Variants in PTPRM observed in about 807,000 individuals in gnomAD.
The protein encoded by PTPRM is protein tyrosine phosphatase receptor type M.
A neutral mutation model predicts 186.7 loss-of-function variants in PTPRM; 47 were observed. That is an observed-to-expected ratio of 0.25 (90% confidence interval 0.20 to 0.32). PTPRM has a LOEUF of 0.32. Ranked by LOEUF, PTPRM falls within the 10% of genes least tolerant of loss-of-function variation. PTPRM has a pLI of 1.00. For missense variants in PTPRM, 1,494 were observed against 1,865.0 expected, an observed-to-expected ratio of 0.80 and a Z score of 3.66; for synonymous variants, 668 against 674.9, an observed-to-expected ratio of 0.99 and a Z score of 0.16.
chr18:8,286,482 T>C (rs2094958536), intron 19 of PTPRM, among the ~76,000 whole-genome samples: 1 of 152,234 alleles, frequency 6.6e-6, no homozygotes, highest in East Asian at 1.9e-4. Flanking sequence ...TTTTCACTTA[T>C]TTAGAATCTC....
In PTPRM at chr18:7,567,824, G is replaced by C; in HGVS notation, c.6G>C (p.Arg2Ser). M[R>S]GLGTCLATLA... The stretch of plus-strand genomic sequence containing the variant: ...CCCGGCCCGCACTCAGCACCATGAG[G>C]GGACTTGGGACTTGCCTGGCGACTT... The change falls in exon 1 of 33, where the codon AGG becomes AGC. Residue 2 changes from arginine (R) to serine (S), a missense_variant. Arg to Ser is a moderately radical substitution (Grantham distance 110, BLOSUM62 -1). This residue lies in a region of PTPRM where 296 missense variants were observed against 345.5 expected (regional missense o/e 0.86). Coordinates refer to ENST00000580170, the MANE Select transcript of PTPRM (RefSeq NM_001105244.2). The surrounding 1 kb of genome is among the most constrained non-coding windows in gnomAD (Gnocchi z 4.3). 1 of 1,555,034 alleles carries C rather than the reference G, an allele frequency of 6.4e-7. No homozygotes were observed. Among genetic ancestry groups the C allele is most frequent in the Non-Finnish European group, 8.7e-7 (1 of 1,154,754 alleles).
chr18:8,317,094 G>A (rs2095313858), intron 21 of PTPRM, among the ~76,000 whole-genome samples: 1 of 152,140 alleles, frequency 6.6e-6, no homozygotes, highest in African/African-American at 2.4e-5. Context: ...GTCGTTAGAG[G>A]TATCTGAGTA....
At chr18:7,644,013 T>C (rs2038505092) in intron 1 of PTPRM, among the ~76,000 whole-genome samples, 1 of 152,180 alleles carries the variant, frequency 6.6e-6, no homozygotes, top group Admixed American at 6.5e-5. Context: ...AATGGGAATG[T>C]TTTCTCTTTT....
rs575949656 is a variant in PTPRM, at chr18:7,688,654, G to A, written c.74-85495G>A. ...TGCCCAAGACTTTGGGAAGAGAGTAGTCCAGGCCCTTTCCAGGGATTTGCT... is the reference window on the plus strand; with the variant it reads ...TGCCCAAGACTTTGGGAAGAGAGTAATCCAGGCCCTTTCCAGGGATTTGCT... On this transcript the variant is annotated intron_variant, in intron 1 of 32. Coordinates refer to ENST00000580170, the MANE Select transcript of PTPRM (RefSeq NM_001105244.2). Among the ~76,000 whole-genome samples the A allele has an allele frequency of 3.3e-5, 5 of 152,330 alleles. No individual in the cohort carries two copies. In the East Asian group the frequency reaches 5.8e-4, roughly 18 times the overall value.
chr18:7,663,966 G>A (rs762760936), intron 1 of PTPRM, among the ~76,000 whole-genome samples: 3 of 152,096 alleles, frequency 2.0e-5, no homozygotes, highest in Admixed American at 1.3e-4. Context: ...TTTCCCTTTC[G>A]CTTGGGCCCG....
chr18:7,899,616 C>T (rs184704818), intron 3 of PTPRM, among the ~76,000 whole-genome samples: 1 of 151,984 alleles, frequency 6.6e-6, no homozygotes, highest in Non-Finnish European at 1.5e-5. Flanking sequence ...ATGTTTGTTT[C>T]AGTAAAAACA....
intron 7 of PTPRM, among the ~76,000 whole-genome samples, chr18:8,014,715 C>T (rs1354453062): frequency 2.0e-5 from 3 of 152,178 alleles, no homozygotes; most frequent in Admixed American, 6.5e-5. Flanking sequence ...TATATACACA[C>T]TCATTTATAC....
chr18:8,215,262 A>G (rs1373611172), intron 14 of PTPRM, among the ~76,000 whole-genome samples: 3 of 152,120 alleles, frequency 2.0e-5, no homozygotes, highest in Admixed American at 1.3e-4. Context: ...TTGTATAAAC[A>G]TATTTTAAAA....
chr18:8,378,820 T>C (rs762271488), intron 27 of PTPRM, among the ~76,000 whole-genome samples: 4 of 152,136 alleles, frequency 2.6e-5, no homozygotes, highest in African/African-American at 7.2e-5. Flanking sequence ...TCCTCACATA[T>C]GCATTTTGTC....
intron 2 of PTPRM, among the ~76,000 whole-genome samples, chr18:7,857,407 G>A (rs931155610): frequency 6.6e-6 from 1 of 152,282 alleles, no homozygotes; most frequent in South Asian, 2.1e-4. Context: ...GTAACCTTTC[G>A]ATACAGCTGG....
chr18:7,932,509 AT>A (rs2051550210), intron 5 of PTPRM, among the ~76,000 whole-genome samples: 1 of 152,098 alleles, frequency 6.6e-6, no homozygotes, highest in African/African-American at 2.4e-5. Context: ...TATGTCTAAT[AT>A]TTTTATGTCT....
At chr18:7,915,665 T>C (rs1218289218) in intron 4 of PTPRM, among the ~76,000 whole-genome samples, 1 of 152,192 alleles carries the variant, frequency 6.6e-6, no homozygotes, top group Non-Finnish European at 1.5e-5. Context: ...AAAATCTCTA[T>C]TTTACAAATA....
chr18:8,356,562 A>G (rs2095564251), intron 23 of PTPRM, among the ~76,000 whole-genome samples: 1 of 152,210 alleles, frequency 6.6e-6, no homozygotes, highest in South Asian at 2.1e-4. Flanking sequence ...CAGTGTAGTA[A>G]GGAACAAGGC....
At chr18:7,727,367 A>G (rs527463087) in intron 1 of PTPRM, among the ~76,000 whole-genome samples, 1 of 152,332 alleles carries the variant, frequency 6.6e-6, no homozygotes, top group African/African-American at 2.4e-5. Flanking sequence ...TAACCTTGAA[A>G]GGCTGCTTTA....
At chr18:8,069,073 G>GCA (rs1379981673) in intron 7 of PTPRM, among the ~76,000 whole-genome samples, 1 of 121,244 alleles carries the variant, frequency 8.2e-6, no homozygotes, top group Non-Finnish European at 1.6e-5. Flanking sequence ...TCACACCACT[G>GCA]CACTCCAGCC....
At chr18:7,717,192 A>G (rs1369920918) in intron 1 of PTPRM, among the ~76,000 whole-genome samples, 1 of 152,072 alleles carries the variant, frequency 6.6e-6, no homozygotes, top group Non-Finnish European at 1.5e-5. Flanking sequence ...GAGGACTTAC[A>G]TCCCTATTTT....
At chr18:8,347,001 A>C (rs527719080) in intron 23 of PTPRM, among the ~76,000 whole-genome samples, 2 of 152,142 alleles carry the variant, frequency 1.3e-5, no homozygotes, top group African/African-American at 4.8e-5. Flanking sequence ...ATCTGCTTTC[A>C]TGTGCTTGTG....
intron 7 of PTPRM, among the ~76,000 whole-genome samples, chr18:7,978,631 A>G (rs1392848527): frequency 1.3e-5 from 2 of 152,204 alleles, no homozygotes; most frequent in Non-Finnish European, 2.9e-5. Flanking sequence ...AGCTTGGCAT[A>G]TAACTTTTTC....
chr18:7,987,622 G>A (rs1240414003), intron 7 of PTPRM, among the ~76,000 whole-genome samples: 3 of 152,162 alleles, frequency 2.0e-5, no homozygotes. Context: ...CCAGGGCACA[G>A]CTGGGGCTGA....
Sources: gnomAD v4.1 joint callset for allele counts (sites outside exome capture counted in the v4.1 genomes callset) on GRCh38, gnomAD v4.1.1 for gene constraint, gnomAD v4.1.1 regional missense constraint, Gnocchi (gnomAD v3.1) non-coding constraint, MANE v1.5 for transcripts, NCBI Gene and HGNC (gene_info 2026-07-23, HGNC 2026-07-21) for gene names.